GPC5: variants seen among roughly 807,000 people sequenced by gnomAD.
GPC5 encodes glypican-5.
A neutral mutation model predicts 53.9 loss-of-function variants in GPC5; 47 were observed. The observed-to-expected ratio is 0.87, with a 90% CI of 0.69 to 1.11. The LOEUF (loss-of-function observed/expected upper bound fraction) is 1.11, where lower values mean the gene tolerates loss of function less well. Ranked by LOEUF, GPC5 falls within the 50% of genes most tolerant of loss-of-function variation. The pLI is 0.00. For missense variants in GPC5, 748 were observed against 713.1 expected, an observed-to-expected ratio of 1.05 and a Z score of -0.56; for synonymous variants, 286 against 263.3, an observed-to-expected ratio of 1.09 and a Z score of -0.84.
chr13:91,484,315 T>C (rs369422514), intron 2 of GPC5, among the ~76,000 whole-genome samples: 46 of 152,280 alleles, frequency 3.0e-4, no homozygotes, highest in Non-Finnish European at 5.3e-4. Context: ...TGACTAAAAA[T>C]GTTCTGTCTA....
At chr13:92,276,674 G>A (rs189924593) in intron 7 of GPC5, among the ~76,000 whole-genome samples, 59 of 152,056 alleles carry the variant, frequency 3.9e-4, no homozygotes, top group African/African-American at 1.4e-3. Context: ...ACTTTGCAAG[G>A]AACATTTACA....
At chr13:92,178,342 A>G (rs779394104) in intron 7 of GPC5, among the ~76,000 whole-genome samples, 10 of 152,050 alleles carry the variant, frequency 6.6e-5, no homozygotes, top group Non-Finnish European at 1.2e-4. Flanking sequence ...CTGAAAATGC[A>G]TATAAAACTG....
intron 2 of GPC5, among the ~76,000 whole-genome samples, chr13:91,489,087 A>T (rs1180004968): frequency 6.6e-6 from 1 of 152,142 alleles, no homozygotes; most frequent in Non-Finnish European, 1.5e-5. Flanking sequence ...TGCTCATGAG[A>T]TGTTATCAAT....
At chr13:91,924,955 G>A (rs2039752794) in intron 6 of GPC5, among the ~76,000 whole-genome samples, 1 of 151,734 alleles carries the variant, frequency 6.6e-6, no homozygotes, top group Non-Finnish European at 1.5e-5. Flanking sequence ...TAGTAGCTGG[G>A]AGTACAGGTG....
chr13:92,091,955 T>C (rs182524446), intron 6 of GPC5, among the ~76,000 whole-genome samples: 5 of 152,298 alleles, frequency 3.3e-5, no homozygotes, highest in African/African-American at 1.2e-4. Context: ...TTGTAGTTTA[T>C]AGTACTCACA....
chr13:91,447,085 G>A (rs570804195), intron 1 of GPC5, among the ~76,000 whole-genome samples: 24 of 152,328 alleles, frequency 1.6e-4, no homozygotes, highest in African/African-American at 5.8e-4. Flanking sequence ...CAACTTGGAG[G>A]CCTTCACAGG....
intron 7 of GPC5, among the ~76,000 whole-genome samples, chr13:92,675,240 T>G (rs949523109): frequency 6.6e-6 from 1 of 152,124 alleles, no homozygotes; most frequent in Non-Finnish European, 1.5e-5. Context: ...TCACCAAAGT[T>G]GTATATTTAA....
intron 7 of GPC5, among the ~76,000 whole-genome samples, chr13:92,548,929 A>G (rs2139013113): frequency 6.6e-6 from 1 of 152,256 alleles, no homozygotes; most frequent in South Asian, 2.1e-4. Flanking sequence ...TAAAAACAAT[A>G]AAAAGACTAT....
At chr13:92,083,260 C>T (rs1404733216) in intron 6 of GPC5, among the ~76,000 whole-genome samples, 1 of 152,136 alleles carries the variant, frequency 6.6e-6, no homozygotes, top group Admixed American at 6.5e-5. Flanking sequence ...TGAAAAGACA[C>T]TGCTGGTGTC....
chr13:91,771,289 A>G (rs1457381842), intron 5 of GPC5, among the ~76,000 whole-genome samples: 5 of 152,202 alleles, frequency 3.3e-5, no homozygotes. Context: ...ATTTGCAAAG[A>G]TCATTAAATT....
intron 5 of GPC5, among the ~76,000 whole-genome samples, chr13:91,848,715 A>G (rs986732313): frequency 2.0e-5 from 3 of 152,242 alleles, no homozygotes; most frequent in African/African-American, 4.8e-5. Flanking sequence ...CCATAGTAGT[A>G]AAGCTTTCCA....
In GPC5 at chr13:92,851,698, G is replaced by A. The variant is rs1054328958; in HGVS notation, c.1562-14584G>A. Among the ~76,000 whole-genome samples, 10 of 150,728 alleles carry A rather than the reference G, an allele frequency of 6.6e-5. No individual in the cohort carries two copies. The South Asian group carries it at 1.5e-3, about 22-fold the overall frequency. ...AGATTGAGACCATCCTGGCTAACAC[G>A]GTGAAACTCCATCTCTACTAAAAAT... On this transcript the variant is annotated intron_variant, in intron 7 of 7. Transcript: ENST00000377067.
At chr13:92,734,168 T>C (rs1219202653) in intron 7 of GPC5, among the ~76,000 whole-genome samples, 1 of 151,874 alleles carries the variant, frequency 6.6e-6, no homozygotes, top group African/African-American at 2.4e-5. Flanking sequence ...TCTCTGATTC[T>C]CAGTTTCTTC....
At chr13:91,855,039 G>A (rs1371720300) in intron 5 of GPC5, among the ~76,000 whole-genome samples, 2 of 151,598 alleles carry the variant, frequency 1.3e-5, no homozygotes, top group African/African-American at 4.8e-5. Flanking sequence ...CCAATTGATG[G>A]TAATTAAATT....
chr13:92,128,211 T>A (rs1231263223), intron 6 of GPC5, among the ~76,000 whole-genome samples: 1 of 152,172 alleles, frequency 6.6e-6, no homozygotes, highest in African/African-American at 2.4e-5. Flanking sequence ...GGGTTTGTTG[T>A]TCCTCCCTCT....
intron 5 of GPC5, among the ~76,000 whole-genome samples, chr13:91,790,596 AG>A (rs1292223694): frequency 1.5e-4 from 23 of 152,328 alleles, no homozygotes; most frequent in African/African-American, 4.6e-4. Flanking sequence ...GGTGTAAATC[AG>A]GACTTTAAAT....
chr13:92,050,386 G>A (rs1316645367), intron 6 of GPC5, among the ~76,000 whole-genome samples: 1 of 152,016 alleles, frequency 6.6e-6, no homozygotes, highest in African/African-American at 2.4e-5. Flanking sequence ...CCTATCAAAG[G>A]GTGGCTTTCA....
chr13:92,395,752 A>ATC (rs1426457488), intron 7 of GPC5, among the ~76,000 whole-genome samples: 16 of 151,948 alleles, frequency 1.1e-4, no homozygotes, highest in Admixed American at 6.6e-4. Context: ...ATTTCCCTAT[A>ATC]TCTTCTTGCT....
intron 7 of GPC5, chr13:92,240,364 T>C (rs1164327141): frequency 2.0e-5 from 3 of 152,162 alleles, no homozygotes; most frequent in Non-Finnish European, 4.4e-5. Context: ...TAGTTTTATG[T>C]ATATTGACTA....
Sources: gnomAD v4.1 joint callset for allele counts (sites outside exome capture counted in the v4.1 genomes callset) on GRCh38, gnomAD v4.1.1 for gene constraint, MANE v1.5 for transcripts, NCBI Gene and HGNC (gene_info 2026-07-23, HGNC 2026-07-21) for gene names.